ZC3H12D: variants seen among roughly 807,000 people sequenced by gnomAD.
ZC3H12D encodes the protein zinc finger CCCH-type containing 12D, also known as probable ribonuclease ZC3H12D.
A neutral mutation model predicts 24.2 loss-of-function variants in ZC3H12D; 11 were observed. The observed-to-expected ratio is 0.46, with a 90% confidence interval of 0.29 to 0.75. ZC3H12D has a LOEUF of 0.75. Among genes scored for constraint, ZC3H12D ranks in the 30% least tolerant of loss-of-function variants. The pLI, the probability that ZC3H12D is intolerant of heterozygous loss-of-function variation, is 0.11. For synonymous variants in ZC3H12D, 333 were observed against 341.8 expected, an observed-to-expected ratio of 0.97 and a Z score of 0.28; for missense variants, 740 against 767.7, an observed-to-expected ratio of 0.96 and a Z score of 0.43.
intron 1 of ZC3H12D, among the ~76,000 whole-genome samples, chr6:149,475,969 C>T (rs989546128): frequency 2.0e-5 from 3 of 152,224 alleles, no homozygotes; most frequent in Admixed American, 1.3e-4. Context: ...ATATTTATTG[C>T]AAGCGAAAAC....
intron 3 of ZC3H12D, among the ~76,000 whole-genome samples, chr6:149,459,359 T>C (rs1312469030): frequency 6.6e-6 from 1 of 152,142 alleles, no homozygotes; most frequent in African/African-American, 2.4e-5. Context: ...TCCAATGTAA[T>C]GAAAGGTGGG....
chr6:149,474,602 T>G lies in ZC3H12D; in HGVS notation c.-59A>C. ...CCCAGGCTTCCTCCTCTCAGAGCCC[T>G]GCAGACATGAGCTAAAGAGAAAAAA... On this transcript the variant is annotated 5_prime_UTR_variant, in exon 2 of 6. Transcript: ENST00000409806. 1 of 1,378,690 alleles carries G rather than the reference T, an allele frequency of 7.3e-7. No individual in the cohort carries two copies. The highest frequency in any genetic ancestry group is 9.5e-7 in the Non-Finnish European group (1 of 1,048,442). The allele number at this position is 1,378,690 out of a possible 1,614,324, so 85.4% of individuals were successfully genotyped here. A position where few individuals can be genotyped will look rare whatever the true frequency, so the allele number is the denominator to read the frequency against.
chr6:149,477,292 CAG>C (rs1776357170), intron 1 of ZC3H12D, among the ~76,000 whole-genome samples: 1 of 152,250 alleles, frequency 6.6e-6, no homozygotes, highest in South Asian at 2.1e-4. Context: ...GCCCCCTGGA[CAG>C]AGAGGCCTCT....
At position 149,472,001 on chromosome 6, in the gene ZC3H12D, G is replaced by T. The variant is rs114751915; in HGVS notation, c.305+2238C>A. ...AATTTTCAGAAACCATGTTTCTGAG[G>T]TTAATTGAATTTTGAGGTCAACAGA... On this transcript the variant is annotated intron_variant, in intron 2 of 5. Coordinates refer to ENST00000409806, the MANE Select transcript of ZC3H12D (RefSeq NM_207360.3). Among the ~76,000 whole-genome samples, 387 of 152,364 alleles carry T rather than the reference G, an allele frequency of 2.5e-3. 2 individuals carry two copies. Among genetic ancestry groups the T allele is most frequent in the African/African-American group, 8.6e-3 (357 of 41,594 alleles).
chr6:149,468,250 G>C (rs889717239), intron 2 of ZC3H12D, among the ~76,000 whole-genome samples: 2 of 152,144 alleles, frequency 1.3e-5, no homozygotes, highest in Non-Finnish European at 2.9e-5. Flanking sequence ...CAAAGTGCTA[G>C]GATTACAGGC....
intron 3 of ZC3H12D, among the ~76,000 whole-genome samples, chr6:149,458,112 T>G (rs547506562): frequency 1.7e-4 from 9 of 52,966 alleles, no homozygotes; most frequent in African/African-American, 1.1e-3. Context: ...TTTCTTTTTC[T>G]TTTTTTTTTT....
chr6:149,458,128 C>CTTTTTTTTTTTTTTTTTTTTTTTTTTTTT lies in ZC3H12D; in HGVS notation c.446-1229_446-1228insAAAAAAAAAAAAAAAAAAAAAAAAAAAAA, dbSNP rs1189920889. On this transcript the variant is annotated intron_variant, in intron 3 of 5. Transcript: ENST00000409806. The stretch of plus-strand genomic sequence containing the variant: ...TTCTTTTTCTTTTTTTTTTTCGTTT[C>CTTTTTTTTTTTTTTTTTTTTTTTTTTTTT]TTTTTTTTTTTTTTTTTTTTTTTTT... Among the ~76,000 whole-genome samples, 6 of 39,756 alleles carry CTTTTTTTTTTTTTTTTTTTTTTTTTTTTT rather than the reference C, an allele frequency of 1.5e-4. 1 individual carries two copies. Among genetic ancestry groups the CTTTTTTTTTTTTTTTTTTTTTTTTTTTTT allele is most frequent in the Non-Finnish European group, 2.2e-4 (5 of 22,508 alleles). 26.1% of individuals were successfully genotyped at this position (39,756 alleles called of 152,430 possible). A position where few individuals can be genotyped will look rare whatever the true frequency, so the allele number is the denominator to read the frequency against.
Position 149,456,617 on chromosome 6 carries a change from C to G in ZC3H12D, c.680+49G>C. On this transcript the variant is annotated intron_variant, in intron 4 of 5. Transcript: ENST00000409806. This position sits in a 1 kb window ranked among gnomAD's most constrained non-coding sequence, Gnocchi z 4.3. ...GGCGTGGCCACTGCCTCGACCCCGG[C>G]CCCCCGCCCCGCCGCCCCCCAGGGT... The G allele has an allele frequency of 2.0e-4, 203 of 1,039,008 alleles. No individual in the cohort carries two copies. The highest frequency in any genetic ancestry group is 5.6e-4 in the Middle Eastern group (2 of 3,596). The allele number at this position is 1,039,008 out of a possible 1,614,324, so 64.4% of individuals were successfully genotyped here.
chr6:149,459,365 G>A (rs1437854708), intron 3 of ZC3H12D, among the ~76,000 whole-genome samples: 2 of 152,194 alleles, frequency 1.3e-5, no homozygotes, highest in East Asian at 3.8e-4. Flanking sequence ...GTAATGAAAG[G>A]TGGGGGGAGA....
At position 149,456,627 on chromosome 6, in the gene ZC3H12D, C is replaced by CCCCCCCCCCCCCCGGGGGAGG; in HGVS notation, c.680+38_680+39insCCTCCCCCGGGGGGGGGGGGG. On this transcript the variant is annotated intron_variant, in intron 4 of 5. Coordinates refer to ENST00000409806, the MANE Select transcript of ZC3H12D (RefSeq NM_207360.3). This position sits in a 1 kb window ranked among gnomAD's most constrained non-coding sequence, Gnocchi z 4.3. The stretch of plus-strand genomic sequence containing the variant: ...CTGCCTCGACCCCGGCCCCCCGCCC[C>CCCCCCCCCCCCCCGGGGGAGG]GCCGCCCCCCAGGGTGTCAGGACCC... 9 of 1,403,074 alleles carry CCCCCCCCCCCCCCGGGGGAGG rather than the reference C, an allele frequency of 6.4e-6. No homozygotes were observed. The highest frequency in any genetic ancestry group is 8.0e-6 in the Non-Finnish European group (8 of 997,680). 86.9% of individuals were successfully genotyped at this position (1,403,074 alleles called of 1,614,324 possible). A position where few individuals can be genotyped will look rare whatever the true frequency, so the allele number is the denominator to read the frequency against.
At chr6:149,454,564 C>T (rs55757822) in intron 4 of ZC3H12D, among the ~76,000 whole-genome samples, 1 of 152,342 alleles carries the variant, frequency 6.6e-6, no homozygotes, top group African/African-American at 2.4e-5. Flanking sequence ...AAGACTTCCT[C>T]TCCTGCTCTC....
Position 149,452,665 on chromosome 6 carries a change from C to T in ZC3H12D, c.738G>A (p.Leu246=), listed in dbSNP as rs1317201704. The change falls in exon 5 of 6, where the codon CTG becomes CTA. Residue 246 remains leucine (L), a synonymous_variant. Coordinates refer to ENST00000409806, the MANE Select transcript of ZC3H12D (RefSeq NM_207360.3). The surrounding 1 kb of genome is among the most constrained non-coding windows in gnomAD (Gnocchi z 4.0). ...GRHGPSLSNF[L]SRKPKPPEPS... ...GCTCTGGGGGCTTCGGCTTCCTGCT[C>T]AGGAAGTTGCTCAGGGAGGGTCCAT... 1.2e-6 allele frequency: 2 copies of T among 1,608,156 alleles called. No individual in the cohort carries two copies. The highest frequency in any genetic ancestry group is 2.7e-5 in the African/African-American group (2 of 74,904).
chr6:149,474,162 A>C, intron 2 of ZC3H12D, 77 bp downstream of exon 2: 1 of 1,303,098 alleles, frequency 7.7e-7, no homozygotes, highest in Non-Finnish European at 1.0e-6. Context: ...ACCAAACCAC[A>C]AGGAAGAGGG....
At chr6:149,453,166 T>A (rs888666979) in intron 4 of ZC3H12D, among the ~76,000 whole-genome samples, 1 of 141,758 alleles carries the variant, frequency 7.1e-6, no homozygotes, top group Non-Finnish European at 1.5e-5. Flanking sequence ...CCAGATGTGG[T>A]GGTGAATGCC....
intron 3 of ZC3H12D, among the ~76,000 whole-genome samples, chr6:149,460,113 G>A (rs769361657): frequency 2.7e-4 from 41 of 152,324 alleles, no homozygotes; most frequent in Non-Finnish European, 4.9e-4. Flanking sequence ...AGTCTAGCAC[G>A]TACAATTATG....
intron 4 of ZC3H12D, among the ~76,000 whole-genome samples, chr6:149,455,294 T>C (rs1775960936): frequency 6.6e-6 from 1 of 152,210 alleles, no homozygotes; most frequent in Non-Finnish European, 1.5e-5. Flanking sequence ...CACTCGGTCA[T>C]TCCTTTACAA....
At position 149,452,881 on chromosome 6, in the gene ZC3H12D, C is replaced by T. The variant is rs61037594; in HGVS notation, c.681-159G>A. ...ATGTCACAGCATCTTAAAGCAAAAC[C>T]TTCCCTTCACACTGAACCCCATGCA... On this transcript the variant is annotated intron_variant, in intron 4 of 5. Transcript: ENST00000409806. The surrounding 1 kb of genome is among the most constrained non-coding windows in gnomAD (Gnocchi z 4.0). Among the ~76,000 whole-genome samples, 3 of 152,194 alleles carry T rather than the reference C, an allele frequency of 2.0e-5. No homozygotes were observed. The highest frequency in any genetic ancestry group is 1.3e-4 in the Admixed American group (2 of 15,280).
At chr6:149,451,737 AG>A (rs979612162) in intron 5 of ZC3H12D, among the ~76,000 whole-genome samples, 4 of 152,190 alleles carry the variant, frequency 2.6e-5, no homozygotes, top group African/African-American at 9.6e-5. Flanking sequence ...CACTCATCCC[AG>A]GGTATGCAGA....
Position 149,456,623 on chromosome 6 carries a change from G to GC in ZC3H12D, c.680+42dup. The GC allele has an allele frequency of 2.7e-6, 2 of 744,590 alleles. No homozygotes were observed. Among genetic ancestry groups the GC allele is most frequent in the Admixed American group, 2.2e-5 (1 of 45,560 alleles). The allele number at this position is 744,590 out of a possible 1,614,324, so 46.1% of individuals were successfully genotyped here. A position where few individuals can be genotyped will look rare whatever the true frequency, so the allele number is the denominator to read the frequency against. On this transcript the variant is annotated intron_variant, in intron 4 of 5. Transcript: ENST00000409806. This position sits in a 1 kb window ranked among gnomAD's most constrained non-coding sequence, Gnocchi z 4.3. The stretch of plus-strand genomic sequence containing the variant: ...GCCACTGCCTCGACCCCGGCCCCCC[G>GC]CCCCGCCGCCCCCCAGGGTGTCAGG...
Sources: gnomAD v4.1 joint callset for allele counts (sites outside exome capture counted in the v4.1 genomes callset) on GRCh38, gnomAD v4.1.1 for gene constraint, Gnocchi (gnomAD v3.1) non-coding constraint, MANE v1.5 for transcripts, NCBI Gene and HGNC (gene_info 2026-07-23, HGNC 2026-07-21) for gene names.